SLC28A3: variants seen among roughly 807,000 people sequenced by gnomAD.
The protein encoded by SLC28A3 is solute carrier family 28 member 3.
A neutral mutation model predicts 84.2 loss-of-function variants in SLC28A3; 68 were observed. The ratio of observed to expected loss-of-function variants is 0.81; its 90% CI spans 0.66 to 0.99. The LOEUF (loss-of-function observed/expected upper bound fraction) is 0.99, where lower values mean the gene tolerates loss of function less well. Among genes scored for constraint, SLC28A3 ranks in the 50% least tolerant of loss-of-function variants. SLC28A3 has a pLI of 0.00. For synonymous variants in SLC28A3, 267 were observed against 303.6 expected (o/e 0.88, Z 1.25); for missense variants, 712 against 841.5 (o/e 0.85, Z 1.90).
At chr9:84,367,268 T>C in the SLC28A3 span, among the ~76,000 whole-genome samples, 1 of 152,216 alleles carries the variant, frequency 6.6e-6, no homozygotes, top group Admixed American at 6.5e-5. Flanking sequence ...CTGCCTGGCC[T>C]GGGACTCACC....
At chr9:84,342,450 G>GTT (rs2118655156), upstream of SLC28A3, among the ~76,000 whole-genome samples, 1 of 147,828 alleles carries the variant, frequency 6.8e-6, no homozygotes, top group African/African-American at 2.6e-5. Context: ...GTGTGTGTGT[G>GTT]TTCTGTTGCC....
intron 1 of SLC28A3, among the ~76,000 whole-genome samples, chr9:84,340,332 GAGA>G (rs932317721): frequency 2.0e-5 from 3 of 151,970 alleles, no homozygotes; most frequent in African/African-American, 7.2e-5. Context: ...AAAAAGGCAA[GAGA>G]AGAAGGCTGT....
chr9:84,345,730 C>G (rs1827239580), upstream of SLC28A3, among the ~76,000 whole-genome samples: 1 of 152,120 alleles, frequency 6.6e-6, no homozygotes, highest in Non-Finnish European at 1.5e-5. Flanking sequence ...TATATACAAC[C>G]ATGATACTAA....
Position 84,328,156 on chromosome 9 carries a change from TACAC to T in SLC28A3, c.60+12414_60+12417del, listed in dbSNP as rs71498096. On this transcript the variant is annotated intron_variant, in intron 1 of 17. Coordinates refer to ENST00000376238, the MANE Select transcript of SLC28A3 (RefSeq NM_001199633.2). The stretch of plus-strand genomic sequence containing the variant: ...AGGAAGTAATAGAGGGGGAAAAGAC[TACAC>T]ACACACACACACACACACACACACA... Among the ~76,000 whole-genome samples the T allele has an allele frequency of 5.6e-3, 743 of 131,966 alleles. 1 individual carries two copies. Among genetic ancestry groups the T allele is most frequent in the Middle Eastern group, 0.015 (4 of 260 alleles). The allele number at this position is 131,966 out of a possible 152,430, so 86.6% of individuals were successfully genotyped here.
intron 1 of SLC28A3, among the ~76,000 whole-genome samples, chr9:84,318,023 T>G (rs938562178): frequency 2.6e-5 from 4 of 152,240 alleles, no homozygotes; most frequent in Admixed American, 2.0e-4. Flanking sequence ...ATTCTTCGAC[T>G]GCATGGATTT....
At chr9:84,359,371 A>G in the SLC28A3 span, among the ~76,000 whole-genome samples, 3 of 152,230 alleles carry the variant, frequency 2.0e-5, no homozygotes, top group East Asian at 5.8e-4. Flanking sequence ...AGCTACGAAG[A>G]TGTTCATTGT....
At chr9:84,347,004 G>A in the SLC28A3 span, among the ~76,000 whole-genome samples, 4 of 151,900 alleles carry the variant, frequency 2.6e-5, no homozygotes, top group African/African-American at 4.8e-5. Context: ...GTAAAATGCT[G>A]TCCCTACTAA....
At chr9:84,366,033 C>T in the SLC28A3 span, among the ~76,000 whole-genome samples, 2 of 151,910 alleles carry the variant, frequency 1.3e-5, no homozygotes, top group African/African-American at 2.4e-5. Flanking sequence ...CTGGGCAACA[C>T]GAGTGAAACT....
chr9:84,307,445 A>AAAAAAAAAAAAACAAAAAAAG (rs1554726630), intron 3 of SLC28A3, among the ~76,000 whole-genome samples: 1 of 146,376 alleles, frequency 6.8e-6, no homozygotes, highest in Non-Finnish European at 1.5e-5. Context: ...AAAAAAAAAA[A>AAAAAAAAAAAAACAAAAAAAG]CAAAAACAAA....
the SLC28A3 span, among the ~76,000 whole-genome samples, chr9:84,360,023 A>G: frequency 6.6e-6 from 1 of 150,420 alleles, no homozygotes; most frequent in Non-Finnish European, 1.5e-5. Context: ...AAAAAAAAAA[A>G]GAAGTCTTAA....
intron 1 of SLC28A3, among the ~76,000 whole-genome samples, chr9:84,334,056 A>G (rs200614116): frequency 6.6e-6 from 1 of 152,158 alleles, no homozygotes; most frequent in Non-Finnish European, 1.5e-5. Context: ...TGTAATCCCA[A>G]CACTTTGGGA....
the SLC28A3 span, among the ~76,000 whole-genome samples, chr9:84,353,929 T>C: frequency 6.6e-6 from 1 of 152,238 alleles, no homozygotes; most frequent in Non-Finnish European, 1.5e-5. Context: ...ATCCCATTCA[T>C]TCACTCAAAA....
At chr9:84,327,883 G>T (rs1176159812) in intron 1 of SLC28A3, among the ~76,000 whole-genome samples, 3 of 135,934 alleles carry the variant, frequency 2.2e-5, no homozygotes, top group Non-Finnish European at 4.5e-5. Context: ...CCAACATTGT[G>T]CCACCTCACT....
At chr9:84,294,474 CCT>C (rs1345475114) in intron 8 of SLC28A3, among the ~76,000 whole-genome samples, 199 bp from the exon 9 acceptor site, 2 of 152,148 alleles carry the variant, frequency 1.3e-5, no homozygotes, top group East Asian at 1.9e-4. Flanking sequence ...ACTTTTTTCC[CCT>C]GTCTTCTATG....
At chr9:84,294,160 T>C in intron 9 of SLC28A3, 35 bp downstream of exon 9, 1 of 1,607,194 alleles carries the variant, frequency 6.2e-7, no homozygotes, top group Non-Finnish European at 8.5e-7. Flanking sequence ...TAATCAGCTC[T>C]ACACCTATAA....
the SLC28A3 span, among the ~76,000 whole-genome samples, chr9:84,361,702 AT>A: frequency 1.3e-5 from 2 of 151,878 alleles, no homozygotes; most frequent in African/African-American, 4.8e-5. Context: ...CCTAGGGTAG[AT>A]TCCCCCCAAA....
Position 84,309,707 on chromosome 9 carries a change from TCTTCATC to T in SLC28A3, c.157_163del (p.Asp53AsnfsTer56). ...AGAATCCTGCTCAACTGTGACCTGTTCTTCATCCTGGAAATCAAACATTGGAGCAGAG... is the reference window on the plus strand; with the variant it reads ...AGAATCCTGCTCAACTGTGACCTGTTCTGGAAATCAAACATTGGAGCAGAG... On this transcript the variant is annotated frameshift_variant and splice_region_variant, in exon 3 of 18. Transcript: ENST00000376238. LOFTEE classifies it high-confidence loss of function. 6.2e-7 allele frequency: 1 copy of T among 1,613,774 alleles called. No homozygotes were observed. Among genetic ancestry groups the T allele is most frequent in the Non-Finnish European group, 8.5e-7 (1 of 1,179,862 alleles).
At chr9:84,281,247 A>G (rs944475616) in intron 14 of SLC28A3, among the ~76,000 whole-genome samples, 2 of 152,200 alleles carry the variant, frequency 1.3e-5, no homozygotes, top group African/African-American at 4.8e-5. Context: ...GTCCCAGAAA[A>G]TATTCACATT....
chr9:84,305,175 A>G (rs764724824), intron 4 of SLC28A3, 79 bp downstream of exon 4: 8 of 1,176,534 alleles, frequency 6.8e-6, no homozygotes, highest in Non-Finnish European at 9.8e-6. Context: ...CTTTTTCCAC[A>G]TAAAGTTAAT....
Sources: allele counts gnomAD v4.1 joint callset (sites outside exome capture counted in the v4.1 genomes callset), GRCh38; gene constraint gnomAD v4.1.1; transcripts MANE v1.5; gene names NCBI Gene and HGNC (gene_info 2026-07-23, HGNC 2026-07-21).